Variants in HPS5 observed in about 807,000 individuals in gnomAD.
HPS5 encodes BLOC-2 complex member HPS5.
Under a neutral mutation model 128.0 loss-of-function variants are expected in HPS5, and 83 were observed. The observed-to-expected ratio is 0.65, with a 90% CI of 0.54 to 0.78. The LOEUF is 0.78. HPS5 is among the 30% of genes least tolerant of loss of function. The pLI is 0.00. For synonymous variants in HPS5, 475 were observed against 470.2 expected (o/e 1.01, Z -0.13); for missense variants, 1,281 against 1,326.2 (o/e 0.97, Z 0.53).
At chr11:18,298,249 T>C (rs1247144729) in intron 10 of HPS5, among the ~76,000 whole-genome samples, 1 of 152,054 alleles carries the variant, frequency 6.6e-6, no homozygotes, top group Non-Finnish European at 1.5e-5. Context: ...TCCCACACTT[T>C]GGGAGGCCAA....
chr11:18,322,147 G>T (rs4150530), upstream of HPS5: 20,961 of 152,328 alleles, frequency 0.14, 1,555 homozygotes, highest in African/African-American at 0.19. Flanking sequence ...CACTAAGAGC[G>T]GAACGTGAAC....
intron 8 of HPS5, among the ~76,000 whole-genome samples, chr11:18,305,010 G>C (rs1862186442): frequency 6.6e-6 from 1 of 152,216 alleles, no homozygotes; most frequent in South Asian, 2.1e-4. Flanking sequence ...ATAGGATAGA[G>C]AGCTGAAATT....
At chr11:18,302,448 T>A (rs1045703058) in intron 8 of HPS5, among the ~76,000 whole-genome samples, 2 of 152,162 alleles carry the variant, frequency 1.3e-5, no homozygotes, top group African/African-American at 2.4e-5. Context: ...CTCAACCTAT[T>A]TCTTATACTC....
intron 9 of HPS5, among the ~76,000 whole-genome samples, chr11:18,300,398 T>C (rs560668592): frequency 4.6e-4 from 70 of 152,220 alleles, no homozygotes; most frequent in African/African-American, 1.6e-3. Context: ...AAAAGAAACG[T>C]AACTGGGCAC....
rs5790031 is a variant in HPS5 at position 18,292,209 on chromosome 11, C to CT, written c.1863-191dup. 3.2e-3 allele frequency among the ~76,000 whole-genome samples: 439 copies of CT among 135,758 alleles called. 2 individuals carry two copies. Among genetic ancestry groups the CT allele is most frequent in the African/African-American group, 9.1e-3 (333 of 36,708 alleles). The allele number at this position is 135,758 out of a possible 152,430, so 89.1% of individuals were successfully genotyped here. A position where few individuals can be genotyped will look rare whatever the true frequency, so the allele number is the denominator to read the frequency against. ...AGAACATAAACTTTGTAGTGTTTTA[C>CT]TTTTTTTTTTTTTTTTTTGAGATAG... On this transcript the variant is annotated intron_variant, in intron 15 of 22. Transcript: ENST00000349215.
chr11:18,294,910 G>T, intron 14 of HPS5, 110 bp downstream of exon 14: 1 of 1,127,904 alleles, frequency 8.9e-7, no homozygotes, highest in Non-Finnish European at 1.3e-6. Flanking sequence ...AGCCGTCCTG[G>T]AACACATGAG....
chr11:18,313,417 T>C (rs1863228945), intron 2 of HPS5, among the ~76,000 whole-genome samples: 3 of 152,260 alleles, frequency 2.0e-5, no homozygotes, highest in African/African-American at 7.2e-5. Flanking sequence ...CAAAGAACAA[T>C]GTATAGCCAA....
At chr11:18,320,541 T>A (rs899475401) in intron 1 of HPS5, among the ~76,000 whole-genome samples, 1 of 152,232 alleles carries the variant, frequency 6.6e-6, no homozygotes, top group Non-Finnish European at 1.5e-5. Context: ...TAATTGTATG[T>A]AGCTTCTACA....
intron 2 of HPS5, among the ~76,000 whole-genome samples, chr11:18,315,381 G>C (rs1863494095): frequency 6.6e-6 from 1 of 152,128 alleles, no homozygotes; most frequent in African/African-American, 2.4e-5. Context: ...TTTGGGAGGA[G>C]GCAAGAGGAT....
intron 11 of HPS5, 125 bp from the exon 12 acceptor site, chr11:18,297,109 G>C: frequency 4.2e-6 from 3 of 721,812 alleles, no homozygotes; most frequent in Middle Eastern, 3.8e-4. Flanking sequence ...TGGCTTATTA[G>C]AACAAACTGA....
Position 18,279,173 on chromosome 11 carries a change from C to G in HPS5, c.*709G>C, listed in dbSNP as rs1030748469. 1 of 152,336 alleles carries G rather than the reference C, an allele frequency of 6.6e-6. No individual in the cohort carries two copies. Among genetic ancestry groups the G allele is most frequent in the African/African-American group, 2.4e-5 (1 of 41,576 alleles). 9.4% of individuals were successfully genotyped at this position (152,336 alleles called of 1,614,324 possible). ...ACACATCTCATTGCGGCCTGGACCT[C>G]CTGGCCTCAGGTACTATGCCTAGCT... On this transcript the variant is annotated 3_prime_UTR_variant, in exon 23 of 23. Transcript: ENST00000349215.
chr11:18,303,651 G>A (rs1021527581), intron 8 of HPS5, among the ~76,000 whole-genome samples: 4 of 152,054 alleles, frequency 2.6e-5, no homozygotes, highest in Non-Finnish European at 5.9e-5. Context: ...TCAGGAGTTC[G>A]AGACCAGCCT....
chr11:18,289,634 T>C (rs1317936167), intron 16 of HPS5, among the ~76,000 whole-genome samples: 1 of 152,198 alleles, frequency 6.6e-6, no homozygotes, highest in Non-Finnish European at 1.5e-5. Context: ...AGCAGATCTG[T>C]AACTATAGAT....
chr11:18,313,430 A>G (rs116991713), intron 2 of HPS5, among the ~76,000 whole-genome samples: 257 of 152,346 alleles, frequency 1.7e-3, no homozygotes, highest in Non-Finnish European at 2.6e-3. Flanking sequence ...ATAGCCAATC[A>G]ATAGTTTTTG....
At chr11:18,298,201 A>AT (rs1861303699) in intron 10 of HPS5, among the ~76,000 whole-genome samples, 1 of 152,210 alleles carries the variant, frequency 6.6e-6, no homozygotes, top group Non-Finnish European at 1.5e-5. Context: ...CTTAGGAATT[A>AT]AGAATTTAAG....
At chr11:18,317,252 G>C (rs1164834090) in intron 2 of HPS5, among the ~76,000 whole-genome samples, 1 of 138,092 alleles carries the variant, frequency 7.2e-6, no homozygotes, top group Non-Finnish European at 1.6e-5. Flanking sequence ...CTCCGGGCCT[G>C]ATAAATTTTT....
At chr11:18,308,799 G>C in intron 6 of HPS5, 147 bp downstream of exon 6, 1 of 729,828 alleles carries the variant, frequency 1.4e-6, no homozygotes, top group Non-Finnish European at 2.3e-6. Context: ...CTGAGTGACA[G>C]AGTGAGACCC....
chr11:18,300,480 T>C (rs542081678), intron 9 of HPS5, among the ~76,000 whole-genome samples: 1 of 152,038 alleles, frequency 6.6e-6, no homozygotes, highest in Non-Finnish European at 1.5e-5. Context: ...GCAGATCACC[T>C]GAGGTCAGGA....
At chr11:18,283,722 A>T in intron 21 of HPS5, 73 bp downstream of exon 21, 2 of 998,314 alleles carry the variant, frequency 2.0e-6, no homozygotes, top group Non-Finnish European at 1.6e-6. Flanking sequence ...GGTTCACCAA[A>T]TTTTTTTGTT....
Sources: allele counts gnomAD v4.1 joint callset (sites outside exome capture counted in the v4.1 genomes callset), GRCh38; gene constraint gnomAD v4.1.1; transcripts MANE v1.5; gene names NCBI Gene and HGNC (gene_info 2026-07-23, HGNC 2026-07-21).